The following AGBL1 variants were observed in gnomAD, a reference collection of about 807,000 sequenced individuals.
AGBL1 encodes the protein cytosolic carboxypeptidase 4.
In AGBL1, 130 loss-of-function variants were observed where a neutral mutation model predicts 118.9. That is an observed-to-expected ratio of 1.09 (90% confidence interval 0.95 to 1.26). The LOEUF is 1.26. Ranked by LOEUF, AGBL1 falls within the 50% of genes most tolerant of loss-of-function variation. The pLI is 0.00. For synonymous variants in AGBL1, 555 were observed against 478.9 expected (o/e 1.16, Z -2.08); for missense variants, 1,584 against 1,298.1 (o/e 1.22, Z -3.38).
rs933740791 is a variant in AGBL1 at position 86,615,047 on chromosome 15, T to C, written c.2995-59226T>C. On this transcript the variant is annotated intron_variant, in intron 21 of 22. Coordinates refer to ENST00000614907, the MANE Select transcript of AGBL1 (RefSeq NM_001386094.1). The surrounding 1 kb of genome is among the most constrained non-coding windows in gnomAD (Gnocchi z 4.3). ...GGCAATTTGGATAAAGTAATTAGGA[T>C]ACCAAAAGGATGGGCCTTTAGAAAA... Among the ~76,000 whole-genome samples the C allele has an allele frequency of 2.6e-5, 4 of 152,146 alleles. No homozygotes were observed. The highest frequency in any genetic ancestry group is 9.7e-5 in the African/African-American group (4 of 41,430).
intron 22 of AGBL1, among the ~76,000 whole-genome samples, chr15:86,881,028 C>T (rs1052352588): frequency 5.9e-5 from 9 of 152,092 alleles, no homozygotes; most frequent in South Asian, 2.1e-4. Context: ...GTCTGCAGAG[C>T]GGTGGAACTG....
At chr15:86,458,110 C>G (rs540285969) in intron 18 of AGBL1, among the ~76,000 whole-genome samples, 1 of 152,126 alleles carries the variant, frequency 6.6e-6, no homozygotes, top group South Asian at 2.1e-4. Flanking sequence ...AATCTGATAA[C>G]AAGGCTCAGA....
intron 22 of AGBL1, among the ~76,000 whole-genome samples, chr15:86,827,352 T>TACACAC (rs1297692252): frequency 1.0e-4 from 1 of 9,702 alleles, no homozygotes; most frequent in Non-Finnish European, 1.4e-4. Flanking sequence ...TATATATATA[T>TACACAC]ATATATATAT....
intron 20 of AGBL1, among the ~76,000 whole-genome samples, chr15:86,553,429 A>T (rs1038356587): frequency 4.6e-5 from 7 of 152,182 alleles, no homozygotes; most frequent in African/African-American, 1.7e-4. Context: ...TTACCCCAAG[A>T]AAAGGTGGAA....
At chr15:86,296,433 C>T (rs144792492) in intron 17 of AGBL1, 1,664 of 148,874 alleles carry the variant, frequency 0.011, 19 homozygotes, top group South Asian at 0.061. Context: ...ACATAGCCTT[C>T]CCTGGTAAAG....
chr15:86,226,020 ATGAGATAACT>A (rs2078356090), intron 6 of AGBL1, among the ~76,000 whole-genome samples: 1 of 152,156 alleles, frequency 6.6e-6, no homozygotes. Flanking sequence ...AAGCTGTGAT[ATGAGATAACT>A]TGAGATAACT....
intron 17 of AGBL1, among the ~76,000 whole-genome samples, chr15:86,372,303 C>T (rs538653174): frequency 8.5e-5 from 13 of 152,050 alleles, no homozygotes; most frequent in African/African-American, 2.9e-4. Context: ...AGATTGTTTC[C>T]CCTTCTTTCC....
chr15:86,719,492 A>C (rs2086685514), intron 22 of AGBL1, among the ~76,000 whole-genome samples: 2 of 152,170 alleles, frequency 1.3e-5, no homozygotes, highest in South Asian at 4.1e-4. Flanking sequence ...CCCTCTTTGC[A>C]TTCCTTTCTA....
At chr15:87,002,493 C>T (rs1365953626) in intron 24 of AGBL1, among the ~76,000 whole-genome samples, 1 of 151,536 alleles carries the variant, frequency 6.6e-6, no homozygotes, top group African/African-American at 2.4e-5. Context: ...ACTTTAAAGT[C>T]GTTTTTTCCA....
chr15:86,736,881 G>A (rs1313670883), intron 22 of AGBL1, among the ~76,000 whole-genome samples: 1 of 152,096 alleles, frequency 6.6e-6, no homozygotes, highest in African/African-American at 2.4e-5. Flanking sequence ...AAAGTATCAT[G>A]CATTTGGAAT....
intron 17 of AGBL1, among the ~76,000 whole-genome samples, chr15:86,362,132 C>T (rs1272494302): frequency 6.6e-6 from 1 of 152,050 alleles, no homozygotes; most frequent in Non-Finnish European, 1.5e-5. Flanking sequence ...TGTAAATTAT[C>T]TTACAGTTAT....
intron 22 of AGBL1, among the ~76,000 whole-genome samples, chr15:86,762,794 C>A (rs2078044972): frequency 6.6e-6 from 1 of 151,886 alleles, no homozygotes; most frequent in Non-Finnish European, 1.5e-5. Context: ...TCAAAGAATG[C>A]ATTATTTTCT....
intron 18 of AGBL1, among the ~76,000 whole-genome samples, chr15:86,422,677 A>T (rs976678127): frequency 6.6e-6 from 1 of 152,296 alleles, no homozygotes; most frequent in African/African-American, 2.4e-5. Flanking sequence ...GAAAAGATTA[A>T]CAAAATAGAT....
chr15:86,366,983 G>A (rs968100036), intron 17 of AGBL1, among the ~76,000 whole-genome samples: 1 of 152,190 alleles, frequency 6.6e-6, no homozygotes, highest in Non-Finnish European at 1.5e-5. Context: ...TCTTCTGGGG[G>A]CGGGCCGACT....
intron 22 of AGBL1, among the ~76,000 whole-genome samples, chr15:86,757,418 A>G (rs2077958157): frequency 6.6e-6 from 1 of 152,074 alleles, no homozygotes; most frequent in Admixed American, 6.6e-5. Context: ...TGTGAACTAG[A>G]GGAGTGACCT....
chr15:86,093,285 G>A (rs551937037), intron 1 of AGBL1, among the ~76,000 whole-genome samples: 2 of 152,258 alleles, frequency 1.3e-5, no homozygotes, highest in Admixed American at 6.5e-5. Context: ...AAAATCCTAA[G>A]TACCTGCTAG....
intron 17 of AGBL1, among the ~76,000 whole-genome samples, chr15:86,327,648 A>C (rs749040051): frequency 6.6e-6 from 1 of 152,192 alleles, no homozygotes; most frequent in East Asian, 1.9e-4. Context: ...CTATACACGA[A>C]CCATTGTGAG....
At chr15:86,289,332 T>G (rs1255983717) in intron 16 of AGBL1, among the ~76,000 whole-genome samples, 1 of 152,178 alleles carries the variant, frequency 6.6e-6, no homozygotes, top group African/African-American at 2.4e-5. Context: ...CCATCATTTC[T>G]TTCATTTTTT....
intron 16 of AGBL1, among the ~76,000 whole-genome samples, chr15:86,284,290 T>C (rs2079406329): frequency 6.6e-6 from 1 of 152,134 alleles, no homozygotes; most frequent in Non-Finnish European, 1.5e-5. Flanking sequence ...TTTCTTACTC[T>C]TTTTTCCAAA....
Sources: gnomAD v4.1 joint callset for allele counts (sites outside exome capture counted in the v4.1 genomes callset) on GRCh38, gnomAD v4.1.1 for gene constraint, Gnocchi (gnomAD v3.1) non-coding constraint, MANE v1.5 for transcripts, NCBI Gene and HGNC (gene_info 2026-07-23, HGNC 2026-07-21) for gene names.